The following RPA1 variants were observed in gnomAD, a reference collection of about 807,000 sequenced individuals.
The protein encoded by RPA1 is replication protein A1, also known as replication protein A 70 kDa DNA-binding subunit.
In RPA1, 49 loss-of-function variants were observed where a neutral mutation model predicts 83.0. The ratio of observed to expected loss-of-function variants is 0.59; its 90% CI spans 0.47 to 0.75. The LOEUF (loss-of-function observed/expected upper bound fraction) is 0.75. Ranked by LOEUF, RPA1 falls within the 30% of genes least tolerant of loss-of-function variation. The pLI, the probability that RPA1 is intolerant of heterozygous loss-of-function variation, is 0.00. For synonymous variants in RPA1, 279 were observed against 281.8 expected (o/e 0.99, Z 0.10); for missense variants, 693 against 776.1 (o/e 0.89, Z 1.27).
At chr17:1,852,225 GT>G (rs1912521537) in intron 4 of RPA1, among the ~76,000 whole-genome samples, 1 of 152,190 alleles carries the variant, frequency 6.6e-6, no homozygotes, top group Non-Finnish European at 1.5e-5. Flanking sequence ...TTTATTGACA[GT>G]ACAGTCTAGT....
chr17:1,867,337 T>TTGTG (rs71150830), intron 5 of RPA1, among the ~76,000 whole-genome samples: 3 of 150,994 alleles, frequency 2.0e-5, no homozygotes, highest in Non-Finnish European at 4.4e-5. Flanking sequence ...TTTCTAGTGT[T>TTGTG]TGTGTGTGTG....
At chr17:1,890,278 C>T (rs373739246) in intron 14 of RPA1, among the ~76,000 whole-genome samples, 5 of 151,888 alleles carry the variant, frequency 3.3e-5, no homozygotes, top group Admixed American at 1.3e-4. Context: ...GTAGGAGGAT[C>T]GCTTGAGCCC....
At chr17:1,838,787 G>C (rs1181294353) in intron 1 of RPA1, among the ~76,000 whole-genome samples, 1 of 152,038 alleles carries the variant, frequency 6.6e-6, no homozygotes, top group Non-Finnish European at 1.5e-5. Context: ...AGTTGTTCCA[G>C]CCCTGTTTAT....
intron 1 of RPA1, among the ~76,000 whole-genome samples, chr17:1,834,398 A>G (rs1480598542): frequency 6.6e-6 from 1 of 152,160 alleles, no homozygotes; most frequent in East Asian, 1.9e-4. Flanking sequence ...TTTCCAGCGT[A>G]GGTGAAGTAT....
At chr17:1,878,830 G>C (rs1214165813) in intron 8 of RPA1, among the ~76,000 whole-genome samples, 163 bp from the exon 9 acceptor site, 1 of 152,130 alleles carries the variant, frequency 6.6e-6, no homozygotes, top group Non-Finnish European at 1.5e-5. Flanking sequence ...GCGGGTTCCT[G>C]GGATGTCCGT....
At chr17:1,879,523 C>T (rs1442318581) in intron 10 of RPA1, 37 bp from the exon 11 acceptor site, 2 of 1,613,928 alleles carry the variant, frequency 1.2e-6, no homozygotes, top group Admixed American at 1.7e-5. Flanking sequence ...GAATGGGAGT[C>T]TTGACCACCT....
intron 1 of RPA1, among the ~76,000 whole-genome samples, chr17:1,833,939 T>C (rs181518755): frequency 9.8e-5 from 15 of 152,340 alleles, no homozygotes; most frequent in Admixed American, 1.3e-4. Flanking sequence ...CTAAGCACTT[T>C]AGGAGGCCAA....
chr17:1,879,352 G>T lies in RPA1; in HGVS notation c.897G>T (p.Gln299His). 2 of 1,614,194 alleles carry T rather than the reference G, an allele frequency of 1.2e-6. No homozygotes were observed. Among genetic ancestry groups the T allele is most frequent in the Non-Finnish European group, 1.7e-6 (2 of 1,180,030 alleles). The change falls in exon 10 of 17, where the codon CAG becomes CAT. Residue 299 changes from glutamine (Q) to histidine (H), a missense_variant. By Grantham distance (24) the Gln-to-His change is conservative. Coordinates refer to ENST00000254719, the MANE Select transcript of RPA1 (RefSeq NM_002945.5). ...ACGACCATCATTTACCTACGGTTCA[G>T]TTTGATTTCACGGGGATTGATGACC... is the stretch of plus-strand genomic sequence containing the variant. ...CEDDHHLPTV[Q>H]FDFTGIDDLE...
chr17:1,849,256 T>C (rs1267200652), intron 4 of RPA1, among the ~76,000 whole-genome samples: 1 of 151,898 alleles, frequency 6.6e-6, no homozygotes, highest in African/African-American at 2.4e-5. Context: ...AGGTCTTTCT[T>C]TACTTTTTCC....
Position 1,888,817 on chromosome 17 carries a change from A to T in RPA1, c.1517A>T (p.Glu506Val), listed in dbSNP as rs749665402. 1.4e-5 allele frequency: 22 copies of T among 1,613,922 alleles called. No individual in the cohort carries two copies. The African/African-American group carries it at 2.9e-4, about 22-fold the overall frequency. ...GLYRCEKCDTEFPNFKYRMIL... is the reference protein window; with the variant it reads ...GLYRCEKCDTVFPNFKYRMIL... Reference sequence around the variant, plus strand: ...TACCGCTGTGAGAAGTGCGACACCGAATTTCCCAATTTCAAGTACCGCATG... The same window carrying T: ...TACCGCTGTGAGAAGTGCGACACCGTATTTCCCAATTTCAAGTACCGCATG... The change falls in exon 14 of 17, where the codon GAA (glutamate) becomes GTA (valine). Residue 506 changes from glutamate to valine, a missense_variant. Transcript: ENST00000254719.
intron 6 of RPA1, 111 bp downstream of exon 6, chr17:1,872,637 G>T: frequency 7.0e-7 from 1 of 1,421,802 alleles, no homozygotes; most frequent in African/African-American, 1.4e-5. Context: ...TCATTACAGG[G>T]TTGTGTCTTG....
intron 1 of RPA1, among the ~76,000 whole-genome samples, chr17:1,832,538 C>A (rs1024998168): frequency 6.6e-6 from 1 of 151,976 alleles, no homozygotes; most frequent in African/African-American, 2.4e-5. Flanking sequence ...AGGAGACTGC[C>A]ATGATGCCCG....
In RPA1 at chr17:1,899,783, C is replaced by T. The variant is rs370131080; in HGVS notation, c.*2608C>T. The T allele has an allele frequency of 9.2e-5, 14 of 152,270 alleles. No individual in the cohort carries two copies. In the East Asian group the frequency reaches 1.9e-3, roughly 21 times the overall value. 9.4% of individuals were successfully genotyped at this position (152,270 alleles called of 1,614,324 possible). On this transcript the variant is annotated 3_prime_UTR_variant, in exon 17 of 17. Transcript: ENST00000254719. ...GACTCATGTTTCTTTGGCAATATGCCGCCCAAGGTTTTATTTATAGAGGAT... is the reference window on the plus strand; with the variant it reads ...GACTCATGTTTCTTTGGCAATATGCTGCCCAAGGTTTTATTTATAGAGGAT...
At chr17:1,854,624 A>C (rs1213428165) in intron 5 of RPA1, among the ~76,000 whole-genome samples, 5 of 152,082 alleles carry the variant, frequency 3.3e-5, no homozygotes, top group Admixed American at 3.3e-4. Context: ...GGATTACTTG[A>C]GCCTGGGAGG....
chr17:1,831,573 C>G (rs1200543160), intron 1 of RPA1, among the ~76,000 whole-genome samples: 1 of 151,362 alleles, frequency 6.6e-6, no homozygotes, highest in Non-Finnish European at 1.5e-5. Flanking sequence ...ATTCCATACT[C>G]CTACCTTCTT....
rs373764400 is a variant in RPA1 at position 1,853,204 on chromosome 17, C to T, written c.361+15C>T. 1.3e-5 allele frequency: 20 copies of T among 1,599,944 alleles called. No homozygotes were observed. Among genetic ancestry groups the T allele is most frequent in the East Asian group, 2.2e-5 (1 of 44,816 alleles). ...CTATAATGAAGGTAAAATGCTTTGG[C>T]GTAGGTTGTAGCACTCAAATGAATA... On this transcript the variant is annotated intron_variant, in intron 5 of 16. Coordinates refer to ENST00000254719, the MANE Select transcript of RPA1 (RefSeq NM_002945.5).
In RPA1 at chr17:1,883,931, G is replaced by A. The variant is rs767069284; in HGVS notation, c.1361G>A (p.Gly454Asp). ...TLYEVKSENL[G>D]QGDKPDYFSS... ...TATGAGGTCAAATCCGAGAACCTGG[G>A]CCAAGGCGACAAGGTACCCAGCATT... The change falls in exon 13 of 17, where the codon GGC (glycine) becomes GAC (aspartate). Residue 454 changes from glycine to aspartate, a missense_variant. Gly to Asp is a moderately conservative substitution (Grantham distance 94). Coordinates refer to ENST00000254719, the MANE Select transcript of RPA1 (RefSeq NM_002945.5). 1 of 1,613,924 alleles carries A rather than the reference G, an allele frequency of 6.2e-7. No homozygotes were observed. The highest frequency in any genetic ancestry group is 1.7e-5 in the Admixed American group (1 of 60,022).
At chr17:1,875,135 A>G (rs1913526937) in intron 6 of RPA1, among the ~76,000 whole-genome samples, 2 of 152,214 alleles carry the variant, frequency 1.3e-5, no homozygotes, top group Admixed American at 6.5e-5. Context: ...GACGAAACTC[A>G]TTCTTACAGA....
rs776352790 is a variant in RPA1, at chr17:1,879,591, C to T, written c.984C>T (p.Asp328=). Residue 328 remains aspartate, a synonymous_variant, in exon 11 of 17, where the codon GAC becomes GAT. Transcript: ENST00000254719. ...TCGGGATCTGCAAGAGCTATGAAGA[C>T]GCCACTAAAATCACAGTGAGGTCTA... ...DIIGICKSYE[D]ATKITVRSNN... is the part of the protein sequence containing the mutation. The T allele has an allele frequency of 5.1e-5, 83 of 1,614,214 alleles. No homozygotes were observed. The highest frequency in any genetic ancestry group is 3.3e-4 in the Middle Eastern group (2 of 6,062).
Sources: allele counts gnomAD v4.1 joint callset (sites outside exome capture counted in the v4.1 genomes callset), GRCh38; gene constraint gnomAD v4.1.1; transcripts MANE v1.5; gene names NCBI Gene and HGNC (gene_info 2026-07-23, HGNC 2026-07-21).